Variants in IL34 observed in about 807,000 individuals in gnomAD.
IL34 encodes the protein interleukin 34, also known as interleukin-34.
IL34 carries 17 observed loss-of-function variants against 25.3 expected under a neutral mutation model. The observed-to-expected ratio is 0.67, with a 90% CI of 0.46 to 1.01. IL34 has a LOEUF of 1.01. Ranked by LOEUF, IL34 falls within the 50% of genes least tolerant of loss-of-function variation. The pLI is 0.00. For missense variants in IL34, 368 were observed against 312.9 expected (o/e 1.18, Z -1.33); for synonymous variants, 174 against 140.9 (o/e 1.23, Z -1.66).
chr16:70,657,920 G>C (rs2052275857), intron 4 of IL34, among the ~76,000 whole-genome samples: 1 of 152,134 alleles, frequency 6.6e-6, no homozygotes, highest in Non-Finnish European at 1.5e-5. Context: ...TAAAAAAAGA[G>C]GTCCCCCATC....
In IL34 at chr16:70,616,670, G is replaced by C. The variant is rs559062942; in HGVS notation, c.-400-29878G>C. Among the ~76,000 whole-genome samples the C allele has an allele frequency of 5.9e-5, 9 of 152,260 alleles. No homozygotes were observed. In the South Asian group the frequency reaches 1.9e-3, roughly 32 times the overall value. On this transcript the variant is annotated intron_variant, in intron 1 of 6. Coordinates refer to the IL34 transcript ENST00000429149. ...GTTAAGAGCAATGTTTTGCGGGCAGGGGTGGATCTCACACAGTACATTCTC... is the reference window on the plus strand; with the variant it reads ...GTTAAGAGCAATGTTTTGCGGGCAGCGGTGGATCTCACACAGTACATTCTC...
At chr16:70,628,489 A>AT (rs1352849647) in intron 1 of IL34, among the ~76,000 whole-genome samples, 6 of 149,686 alleles carry the variant, frequency 4.0e-5, no homozygotes, top group South Asian at 2.1e-4. Context: ...TTATTTATTT[A>AT]TTTATTTTTT....
intron 1 of IL34, among the ~76,000 whole-genome samples, chr16:70,623,826 A>C (rs1380266765): frequency 6.6e-6 from 1 of 150,994 alleles, no homozygotes; most frequent in African/African-American, 2.5e-5. Context: ...GTATCATCTA[A>C]GTTGGCACCA....
intron 1 of IL34, among the ~76,000 whole-genome samples, chr16:70,580,902 C>G (rs778616599): frequency 6.6e-6 from 1 of 151,412 alleles, no homozygotes; most frequent in Non-Finnish European, 1.5e-5. Flanking sequence ...AAGTGTTCTG[C>G]TTTTAAACTT....
In IL34 at chr16:70,657,018, G is replaced by T. The variant is rs2052245080; in HGVS notation, c.299G>T (p.Ser100Ile). ...LRYLWVLVSL[S>I]ATESVQDVLL... Reference sequence around the variant, plus strand: ...TATCTGTGGGTCTTGGTGAGCCTCAGTGCCACTGAGTCGGTGCAGGACGTG... The same window carrying T: ...TATCTGTGGGTCTTGGTGAGCCTCATTGCCACTGAGTCGGTGCAGGACGTG... The change falls in exon 4 of 6, where the codon AGT becomes ATT. Residue 100 changes from serine (S) to isoleucine (I), a missense_variant. By Grantham distance (142) the Ser-to-Ile change is moderately radical. Coordinates refer to ENST00000288098, the MANE Select transcript of IL34 (RefSeq NM_001393494.1). 6.2e-7 allele frequency: 1 copy of T among 1,612,412 alleles called. No individual in the cohort carries two copies. The highest frequency in any genetic ancestry group is 1.3e-5 in the African/African-American group (1 of 74,848).
At chr16:70,643,547 T>A (rs1267732770), upstream of IL34, among the ~76,000 whole-genome samples, 5 of 152,110 alleles carry the variant, frequency 3.3e-5, no homozygotes, top group East Asian at 1.9e-4. Context: ...ATTAAAAAAA[T>A]TTTTGTTGGT....
chr16:70,644,592 G>C (rs374310525), upstream of IL34, among the ~76,000 whole-genome samples: 142 of 151,866 alleles, frequency 9.4e-4, no homozygotes, highest in African/African-American at 3.1e-3. Flanking sequence ...ATGTAAATTA[G>C]CCCTCAATAA....
intron 1 of IL34, among the ~76,000 whole-genome samples, chr16:70,588,387 G>A (rs1040720102): frequency 2.6e-5 from 4 of 151,930 alleles, no homozygotes; most frequent in Admixed American, 6.5e-5. Context: ...CCAGTTACTC[G>A]GGAGGCTGAG....
At chr16:70,627,890 C>G (rs1170981182) in intron 1 of IL34, among the ~76,000 whole-genome samples, 2 of 152,166 alleles carry the variant, frequency 1.3e-5, no homozygotes, top group Admixed American at 6.5e-5. Context: ...TATCCACATG[C>G]CATGAATATT....
upstream of IL34, among the ~76,000 whole-genome samples, chr16:70,645,118 AGAGG>A (rs1438634054): frequency 7.4e-4 from 77 of 104,112 alleles, no homozygotes; most frequent in African/African-American, 1.4e-3. Context: ...AGGAGGAAGA[AGAGG>A]GAGGAAGGAG....
At chr16:70,602,933 G>A (rs1363045901) in intron 1 of IL34, among the ~76,000 whole-genome samples, 1 of 152,018 alleles carries the variant, frequency 6.6e-6, no homozygotes, top group Non-Finnish European at 1.5e-5. Flanking sequence ...CCGCCAGCAT[G>A]AGTCCATGTT....
intron 1 of IL34, among the ~76,000 whole-genome samples, chr16:70,626,855 C>G (rs1409717215): frequency 6.6e-6 from 1 of 152,080 alleles, no homozygotes; most frequent in Non-Finnish European, 1.5e-5. Flanking sequence ...TTATCATAAG[C>G]CATTTATCAT....
chr16:70,620,421 C>G (rs1219115322), intron 1 of IL34, among the ~76,000 whole-genome samples: 1 of 149,296 alleles, frequency 6.7e-6, no homozygotes, highest in Non-Finnish European at 1.5e-5. Flanking sequence ...AAACTGTAAG[C>G]CCCACCAGGT....
chr16:70,659,574 C>A lies in IL34; in HGVS notation c.403-44C>A, dbSNP rs369331265. ...CAGCCCTCACGGCTCTCCTGGGGTG[C>A]GGCCCCATCTCGCCACCGCTCCTGA... On this transcript the variant is annotated intron_variant, in intron 4 of 5. Coordinates refer to ENST00000288098, the MANE Select transcript of IL34 (RefSeq NM_001393494.1). The A allele has an allele frequency of 2.6e-6, 4 of 1,565,366 alleles. No homozygotes were observed. The African/African-American group carries it at 4.0e-5, about 16-fold the overall frequency.
intron 1 of IL34, among the ~76,000 whole-genome samples, chr16:70,597,209 C>CAA (rs2050835736): frequency 6.7e-6 from 1 of 149,972 alleles, no homozygotes; most frequent in Non-Finnish European, 1.5e-5. Context: ...TCACAGAGTT[C>CAA]AGCCAGTTTT....
In IL34 at chr16:70,660,630, T is replaced by C; in HGVS notation, c.*443T>C. The C allele has an allele frequency of 6.0e-6, 1 of 165,410 alleles. No individual in the cohort carries two copies. Among genetic ancestry groups the C allele is most frequent in the Non-Finnish European group, 1.3e-5 (1 of 76,904 alleles). 10.2% of individuals were successfully genotyped at this position (165,410 alleles called of 1,614,324 possible). On this transcript the variant is annotated 3_prime_UTR_variant, in exon 6 of 6. Transcript: ENST00000288098. ...CGGTGCCAAGTGCCACATCTTGCCATAGTGGATGCTCTTCCAGTTTCTTTT... is the reference window on the plus strand; with the variant it reads ...CGGTGCCAAGTGCCACATCTTGCCACAGTGGATGCTCTTCCAGTTTCTTTT...
At chr16:70,644,525 C>T (rs1343285305), upstream of IL34, among the ~76,000 whole-genome samples, 1 of 151,892 alleles carries the variant, frequency 6.6e-6, no homozygotes, top group African/African-American at 2.4e-5. Flanking sequence ...TTACACAGCT[C>T]TATAAATGTG....
chr16:70,654,927 A>G (rs963220477), intron 2 of IL34, among the ~76,000 whole-genome samples: 5 of 152,062 alleles, frequency 3.3e-5, no homozygotes, highest in African/African-American at 1.2e-4. Context: ...CAGTCACCAT[A>G]TGACTCAGGA....
intron 1 of IL34, among the ~76,000 whole-genome samples, chr16:70,606,579 C>T (rs78513761): frequency 6.6e-6 from 1 of 151,846 alleles, no homozygotes; most frequent in Admixed American, 6.6e-5. Flanking sequence ...ATTTTAGATT[C>T]GTTTGGATTT....
Sources: gnomAD v4.1 joint callset for allele counts (sites outside exome capture counted in the v4.1 genomes callset) on GRCh38, gnomAD v4.1.1 for gene constraint, MANE v1.5 for transcripts, NCBI Gene and HGNC (gene_info 2026-07-23, HGNC 2026-07-21) for gene names.